AZI2: variants seen among roughly 807,000 people sequenced by gnomAD.
AZI2 encodes 5-azacytidine-induced protein 2.
Under a neutral mutation model 45.8 loss-of-function variants are expected in AZI2, and 22 were observed. The observed-to-expected ratio is 0.48, with a 90% confidence interval of 0.34 to 0.69. AZI2 has a LOEUF of 0.69. Ranked by LOEUF, AZI2 falls within the 30% of genes least tolerant of loss-of-function variation. The pLI, the probability that AZI2 is intolerant of heterozygous loss-of-function variation, is 0.01. For missense variants in AZI2, 417 were observed against 441.5 expected (o/e 0.94, Z 0.50); for synonymous variants, 137 against 156.7 (o/e 0.87, Z 0.94).
At position 28,321,535 on chromosome 3, in the gene AZI2, A is replaced by ACAT. The variant is rs1265649550; in HGVS notation, c.*2504_*2506dup. 1 of 151,348 alleles carries ACAT rather than the reference A, an allele frequency of 6.6e-6. No homozygotes were observed. The allele number at this position is 151,348 out of a possible 1,614,324, so 9.4% of individuals were successfully genotyped here. The stretch of plus-strand genomic sequence containing the variant: ...ATACTGAAGATTTTTTTCACCTGGT[A>ACAT]CATCTGTCTCAGTTGTGTCTTGCTT... On this transcript the variant is annotated 3_prime_UTR_variant, in exon 8 of 8. Coordinates refer to ENST00000479665, the MANE Select transcript of AZI2 (RefSeq NM_022461.5).
chr3:28,338,998 G>T (rs60023459), intron 2 of AZI2, among the ~76,000 whole-genome samples: 3,961 of 143,312 alleles, frequency 0.028, 148 homozygotes, highest in African/African-American at 0.09. Flanking sequence ...TTTTTTTTTC[G>T]AGACTGAGTT....
At chr3:28,332,238 G>T in intron 6 of AZI2, 131 bp downstream of exon 6, 1 of 728,168 alleles carries the variant, frequency 1.4e-6, no homozygotes, top group Non-Finnish European at 2.3e-6. Context: ...GTGATCAGAG[G>T]TTACATCAGT....
At chr3:28,338,438 G>T in intron 3 of AZI2, 55 bp downstream of exon 3, 1 of 1,485,964 alleles carries the variant, frequency 6.7e-7, no homozygotes, top group Non-Finnish European at 9.1e-7. Context: ...TAAACCTCTT[G>T]AAGGAGAAAA....
In AZI2 at chr3:28,323,869, A is replaced by G; in HGVS notation, c.*173T>C. 1.6e-6 allele frequency: 1 copy of G among 632,604 alleles called. No individual in the cohort carries two copies. Among genetic ancestry groups the G allele is most frequent in the Non-Finnish European group, 2.6e-6 (1 of 387,964 alleles). The allele number at this position is 632,604 out of a possible 1,614,324, so 39.2% of individuals were successfully genotyped here. On this transcript the variant is annotated 3_prime_UTR_variant, in exon 8 of 8. Coordinates refer to ENST00000479665, the MANE Select transcript of AZI2 (RefSeq NM_022461.5). Reference sequence around the variant, plus strand: ...GAGCTAGAGGGTGCTCTTTCATACTAGAAAACCAACTATGTTGGTTTTTGT... The same window carrying G: ...GAGCTAGAGGGTGCTCTTTCATACTGGAAAACCAACTATGTTGGTTTTTGT...
chr3:28,343,186 G>A (rs934325225), intron 1 of AZI2, among the ~76,000 whole-genome samples: 1 of 152,056 alleles, frequency 6.6e-6, no homozygotes, highest in Non-Finnish European at 1.5e-5. Context: ...TGGGGGGTCT[G>A]AGGGATGGGG....
chr3:28,332,911 C>T (rs549440068), intron 5 of AZI2, among the ~76,000 whole-genome samples: 1 of 151,854 alleles, frequency 6.6e-6, no homozygotes, highest in East Asian at 1.9e-4. Flanking sequence ...TTTCCTCCTT[C>T]CACATGGATT....
chr3:28,340,466 C>A lies in AZI2; in HGVS notation c.152G>T (p.Arg51Leu). Residue 51 changes from arginine (R) to leucine (L), a missense_variant, in exon 2 of 8, where the codon CGA becomes CTA. Arg to Leu is a moderately radical substitution (Grantham distance 102). Coordinates refer to ENST00000479665, the MANE Select transcript of AZI2 (RefSeq NM_022461.5). Reference protein sequence around the residue: ...LVTAYEDIKKRLKDSEKENSL... With the variant: ...LVTAYEDIKKLLKDSEKENSL... ...GTTCTCTTTCTCTGAATCCTTAAGT[C>A]GTTTTTTGATGTCTTCATATGCAGT... The A allele has an allele frequency of 6.2e-7, 1 of 1,612,426 alleles. No individual in the cohort carries two copies. The highest frequency in any genetic ancestry group is 1.1e-5 in the South Asian group (1 of 90,938).
intron 1 of AZI2, among the ~76,000 whole-genome samples, chr3:28,344,278 G>A (rs989979424): frequency 3.3e-5 from 5 of 151,830 alleles, no homozygotes; most frequent in Admixed American, 6.6e-5. Flanking sequence ...GAAATCACAA[G>A]CATGAGAATA....
intron 1 of AZI2, among the ~76,000 whole-genome samples, chr3:28,347,342 T>C (rs1480876910): frequency 6.6e-6 from 1 of 152,198 alleles, no homozygotes; most frequent in African/African-American, 2.4e-5. Flanking sequence ...AACTATCTCA[T>C]TTGTTCTTCA....
rs752792940 is a variant in AZI2 at position 28,338,616 on chromosome 3, C to T, written c.217-1G>A. Reference sequence around the variant, plus strand: ...TTTCTTCTTCAAATCGAGCTATTAGCTAACGGTATGAAATTAGAAGAGAAA... The same window carrying T: ...TTTCTTCTTCAAATCGAGCTATTAGTTAACGGTATGAAATTAGAAGAGAAA... On this transcript the variant is annotated splice_acceptor_variant, in intron 2 of 7. Transcript: ENST00000479665. LOFTEE classifies it high-confidence loss of function. 3.1e-6 allele frequency: 5 copies of T among 1,607,286 alleles called. No individual in the cohort carries two copies. Among genetic ancestry groups the T allele is most frequent in the Non-Finnish European group, 4.2e-6 (5 of 1,176,946 alleles).
chr3:28,332,070 G>T (rs1703601010), intron 6 of AZI2: 1 of 663,450 alleles, frequency 1.5e-6, no homozygotes, highest in South Asian at 2.1e-5. Flanking sequence ...AATTCTTCAT[G>T]TACAAATTCA....
At chr3:28,330,639 A>T (rs1162021598) in intron 6 of AZI2, among the ~76,000 whole-genome samples, 1 of 151,368 alleles carries the variant, frequency 6.6e-6, no homozygotes, top group Non-Finnish European at 1.5e-5. Context: ...AAAGTTGACC[A>T]ACAGTAGGCC....
In AZI2 at chr3:28,340,671, T is replaced by A. The variant is rs1005713862; in HGVS notation, c.-5-49A>T. 1.1e-5 allele frequency: 15 copies of A among 1,410,416 alleles called. No homozygotes were observed. In the Admixed American group the frequency reaches 1.9e-4, roughly 18 times the overall value. 87.4% of individuals were successfully genotyped at this position (1,410,416 alleles called of 1,614,324 possible). On this transcript the variant is annotated intron_variant, in intron 1 of 7. Transcript: ENST00000479665. The stretch of plus-strand genomic sequence containing the variant: ...AGTGACAAATGTCTCACTGAATAAG[T>A]GAAAAGGAAAAAAAGTTATAGTTAA...
intron 1 of AZI2, among the ~76,000 whole-genome samples, chr3:28,342,659 T>C (rs1704063637): frequency 2.0e-5 from 3 of 151,940 alleles, no homozygotes; most frequent in Non-Finnish European, 4.4e-5. Flanking sequence ...GTTATTCTCA[T>C]ATTGCAAACT....
At chr3:28,343,698 G>T (rs1704118653) in intron 1 of AZI2, among the ~76,000 whole-genome samples, 1 of 151,988 alleles carries the variant, frequency 6.6e-6, no homozygotes, top group Non-Finnish European at 1.5e-5. Context: ...AAGAAGCTTA[G>T]CTAGGATCAC....
At chr3:28,330,166 A>G (rs920034179) in intron 6 of AZI2, among the ~76,000 whole-genome samples, 11 of 151,228 alleles carry the variant, frequency 7.3e-5, no homozygotes, top group African/African-American at 2.7e-4. Flanking sequence ...AAATCAAAAC[A>G]GGACACTGGC....
At chr3:28,335,953 T>C (rs1703772631) in intron 5 of AZI2, among the ~76,000 whole-genome samples, 1 of 152,134 alleles carries the variant, frequency 6.6e-6, no homozygotes, top group African/African-American at 2.4e-5. Flanking sequence ...TACTAAGCTT[T>C]TCAATTTCTT....
At position 28,326,904 on chromosome 3, in the gene AZI2, T is replaced by G. The variant is rs1378230558; in HGVS notation, c.694A>C (p.Asn232His). The change falls in exon 7 of 8, where the codon AAT becomes CAT. Residue 232 changes from asparagine (N) to histidine (H), a missense_variant. Coordinates refer to ENST00000479665, the MANE Select transcript of AZI2 (RefSeq NM_022461.5). ...TGTACTTGAGTCACCAGATGTAAAT[T>G]AGACATTTCTCTCTTCAGTTCCCAG... ...AYWELKREMS[N>H]LHLVTQVQAE... is the part of the protein sequence containing the mutation. The G allele has an allele frequency of 8.7e-6, 14 of 1,608,312 alleles. No individual in the cohort carries two copies. The highest frequency in any genetic ancestry group is 1.1e-5 in the Non-Finnish European group (13 of 1,176,030).
intron 5 of AZI2, among the ~76,000 whole-genome samples, chr3:28,334,309 T>C (rs377744469): frequency 6.6e-6 from 1 of 151,882 alleles, no homozygotes; most frequent in South Asian, 2.1e-4. Context: ...ATTGTGAACA[T>C]AAATTTCTCT....
Sources: gnomAD v4.1 joint callset for allele counts (sites outside exome capture counted in the v4.1 genomes callset) on GRCh38, gnomAD v4.1.1 for gene constraint, MANE v1.5 for transcripts, NCBI Gene and HGNC (gene_info 2026-07-23, HGNC 2026-07-21) for gene names.